Variants in SLC25A14 observed in about 807,000 individuals in gnomAD.
SLC25A14 encodes solute carrier family 25 member 14.
A neutral mutation model predicts 28.1 loss-of-function variants in SLC25A14; 8 were observed. That is an observed-to-expected ratio of 0.28 (90% CI 0.17 to 0.51). The LOEUF (loss-of-function observed/expected upper bound fraction) is 0.51, where lower values mean the gene tolerates loss of function less well. Among genes scored for constraint, SLC25A14 ranks in the 20% least tolerant of loss-of-function variants. The probability of loss-of-function intolerance (pLI) is 0.97; values close to 1 mark genes in which losing one functional copy is unlikely to be tolerated. For missense variants in SLC25A14, 135 were observed against 263.8 expected (o/e 0.51, Z 3.38); for synonymous variants, 74 against 90.6 (o/e 0.82, Z 1.04).
Position 130,365,316 on chromosome X carries a change from CCTT to C in SLC25A14, c.720-224_720-222del, listed in dbSNP as rs746442819. On this transcript the variant is annotated intron_variant, in intron 8 of 10. Transcript: ENST00000545805. ...GAATCTTGTTAGGTTTAGAAACTCT[CCTT>C]TAAAAAAAAGGCTGAGTTTCAGATT... 2.7e-3 allele frequency: 2,638 copies of C among 967,536 alleles called. 7 individuals carry two copies. The highest frequency in any genetic ancestry group is 2.6e-3 in the Non-Finnish European group (1,994 of 770,075). 79.7% of individuals were successfully genotyped at this position (967,536 alleles called of 1,213,427 possible). A position where few individuals can be genotyped will look rare whatever the true frequency, so the allele number is the denominator to read the frequency against.
chrX:130,365,032 G>A, intron 8 of SLC25A14: 1 of 336,455 alleles, frequency 3.0e-6, no homozygotes. Flanking sequence ...TATCTAATAA[G>A]CACATCTATT....
intron 7 of SLC25A14, chrX:130,359,281 A>T (rs2033892098): frequency 4.4e-6 from 1 of 227,362 alleles, no homozygotes; most frequent in Non-Finnish European, 7.9e-6. Flanking sequence ...TGAACCCTGG[A>T]GGTGGAGGTT....
intron 4 of SLC25A14, 144 bp downstream of exon 4, chrX:130,346,835 C>T (rs2033456899): frequency 2.0e-6 from 1 of 492,159 alleles, no homozygotes; most frequent in South Asian, 4.0e-5. Flanking sequence ...TATATTTCTC[C>T]TGCTTGTAAG....
At chrX:130,364,950 T>G in intron 8 of SLC25A14, 198 bp downstream of exon 8, 5 of 960,929 alleles carry the variant, frequency 5.2e-6, no homozygotes, top group Non-Finnish European at 6.6e-6. Context: ...GCTTGGGTAC[T>G]TGGGAACATT....
chrX:130,358,145 A>G (rs2033850872), intron 6 of SLC25A14, among the ~76,000 whole-genome samples: 1 of 112,125 alleles, frequency 8.9e-6, no homozygotes, highest in African/African-American at 3.2e-5. Flanking sequence ...ATGATATAGT[A>G]CTTCGCAATT....
At chrX:130,356,474 C>G (rs1245951076) in intron 6 of SLC25A14, among the ~76,000 whole-genome samples, 2 of 110,638 alleles carry the variant, frequency 1.8e-5, no homozygotes, top group Non-Finnish European at 3.8e-5. Context: ...GGTGATCCGC[C>G]CACCTCGGCC....
rs201372839 is a variant in SLC25A14, at chrX:130,365,650, A to G, written c.829A>G (p.Lys277Glu). 8.3e-7 allele frequency: 1 copy of G among 1,207,442 alleles called. No individual in the cohort carries two copies. The highest frequency in any genetic ancestry group is 1.8e-5 in the African/African-American group (1 of 57,107). ...RAIVGHVDLY[K>E]GTVDGILKMW... ...AATCGTGGGACATGTGGATCTCTATAAGGGCACTGTTGATGGTATTTTAAA... is the reference window on the plus strand; with the variant it reads ...AATCGTGGGACATGTGGATCTCTATGAGGGCACTGTTGATGGTATTTTAAA... Residue 277 changes from lysine to glutamate, a missense_variant, in exon 9 of 11, where the codon AAG becomes GAG. Coordinates refer to ENST00000545805, the MANE Select transcript of SLC25A14 (RefSeq NM_001282195.2).
At chrX:130,355,951 G>T (rs928457358) in intron 6 of SLC25A14, among the ~76,000 whole-genome samples, 1 of 111,453 alleles carries the variant, frequency 9.0e-6, no homozygotes, top group Admixed American at 9.6e-5. Context: ...AAAAGGGAAG[G>T]TTTCTGTAAA....
At position 130,345,098 on chromosome X, in the gene SLC25A14, A is replaced by G. The variant is rs758558716; in HGVS notation, c.76-84A>G. On this transcript the variant is annotated intron_variant, in intron 2 of 10. Transcript: ENST00000545805. ...TCTTCTACATCTATTTTATTTGCCA[A>G]TTTTGTTTATCTAAATTATATGATC... is the stretch of plus-strand genomic sequence containing the variant. 2.8e-4 allele frequency: 188 copies of G among 675,053 alleles called. 2 individuals carry two copies. In the Middle Eastern group the frequency reaches 5.9e-3, roughly 21 times the overall value. The allele number at this position is 675,053 out of a possible 1,213,427, so 55.6% of individuals were successfully genotyped here. A position where few individuals can be genotyped will look rare whatever the true frequency, so the allele number is the denominator to read the frequency against.
intron 7 of SLC25A14, among the ~76,000 whole-genome samples, chrX:130,361,771 C>T (rs187106276): frequency 2.7e-5 from 3 of 112,033 alleles, no homozygotes; most frequent in East Asian, 2.8e-4. Context: ...TGCTGCCATG[C>T]GTTGATGGTG....
At chrX:130,358,094 G>A (rs929995139) in intron 6 of SLC25A14, among the ~76,000 whole-genome samples, 1 of 111,791 alleles carries the variant, frequency 8.9e-6, no homozygotes, top group African/African-American at 3.2e-5. Context: ...TCTCTTTGCT[G>A]TGCTTATGGA....
At chrX:130,352,167 TC>T (rs1488500240) in intron 6 of SLC25A14, among the ~76,000 whole-genome samples, 1 of 112,014 alleles carries the variant, frequency 8.9e-6, no homozygotes, top group Non-Finnish European at 1.9e-5. Flanking sequence ...GAACATGCTA[TC>T]TTTGGTTTTC....
At chrX:130,362,337 T>G (rs1476650439) in intron 7 of SLC25A14, among the ~76,000 whole-genome samples, 1 of 109,214 alleles carries the variant, frequency 9.2e-6, no homozygotes, top group African/African-American at 3.3e-5. Context: ...GAATGGCTAC[T>G]CCATAGGCAG....
intron 2 of SLC25A14, among the ~76,000 whole-genome samples, chrX:130,344,661 T>A (rs1233305440): frequency 3.6e-5 from 4 of 111,297 alleles, no homozygotes; most frequent in Non-Finnish European, 5.7e-5. Flanking sequence ...TGGGCCTAGT[T>A]GGGGGGACAA....
intron 2 of SLC25A14, among the ~76,000 whole-genome samples, chrX:130,344,476 A>G (rs1463616034): frequency 1.8e-5 from 2 of 111,683 alleles, no homozygotes; most frequent in Non-Finnish European, 3.8e-5. Context: ...GTTGTTAAAG[A>G]ACTAGAACAT....
chrX:130,359,805 C>T (rs1294348427), intron 7 of SLC25A14, among the ~76,000 whole-genome samples: 1 of 110,746 alleles, frequency 9.0e-6, no homozygotes, highest in Non-Finnish European at 1.9e-5. Context: ...AAAGTTTGAT[C>T]GTATTTGCTT....
At chrX:130,348,209 G>A (rs2033503535) in intron 4 of SLC25A14, among the ~76,000 whole-genome samples, 1 of 110,629 alleles carries the variant, frequency 9.0e-6, no homozygotes. Flanking sequence ...GGCAGACAGA[G>A]TGAGGGAGCT....
At chrX:130,356,313 A>G (rs763014774) in intron 6 of SLC25A14, among the ~76,000 whole-genome samples, 221 of 91,182 alleles carry the variant, frequency 2.4e-3, no homozygotes, top group African/African-American at 9.6e-3. Flanking sequence ...TGCAACCTCC[A>G]CTTCCTGGGT....
In SLC25A14 at chrX:130,364,734, C is replaced by A. The variant is rs372335758; in HGVS notation, c.701C>A (p.Thr234Lys). 1.8e-5 allele frequency: 22 copies of A among 1,203,020 alleles called. No individual in the cohort carries two copies. The highest frequency in any genetic ancestry group is 2.5e-5 in the Non-Finnish European group (22 of 889,918). ...ATATTGTCAGGAATGATGGGCGATA[C>A]AATTTTAACTCACTTCGTGTAAGTA... ...HLILSGMMGD[T>K]ILTHFVSSFT... The change falls in exon 8 of 11, where the codon ACA (threonine) becomes AAA (lysine). Residue 234 changes from threonine to lysine, a missense_variant. Transcript: ENST00000545805.
Sources: gnomAD v4.1 joint callset for allele counts (sites outside exome capture counted in the v4.1 genomes callset) on GRCh38, gnomAD v4.1.1 for gene constraint, MANE v1.5 for transcripts, NCBI Gene and HGNC (gene_info 2026-07-23, HGNC 2026-07-21) for gene names.